Variants in RBFOX1 observed in about 807,000 individuals in gnomAD.
RBFOX1 encodes the protein RNA binding fox-1 homolog 1, also known as RNA binding protein fox-1 homolog 1.
In RBFOX1, 8 loss-of-function variants were observed where a neutral mutation model predicts 57.7. The observed-to-expected ratio is 0.14, with a 90% CI of 0.08 to 0.25. RBFOX1 has a LOEUF of 0.25. Among genes scored for constraint, RBFOX1 ranks in the 10% least tolerant of loss-of-function variants. The pLI is 1.00. For missense variants in RBFOX1, 611 were observed against 548.5 expected, an observed-to-expected ratio of 1.11 and a Z score of -1.14; for synonymous variants, 326 against 222.4, an observed-to-expected ratio of 1.47 and a Z score of -4.15.
Position 7,696,637 on chromosome 16 carries a change from C to G in RBFOX1, c.996-12419C>G, listed in dbSNP as rs535071273. On this transcript the variant is annotated intron_variant, in intron 14 of 15. Coordinates refer to ENST00000550418, the MANE Select transcript of RBFOX1 (RefSeq NM_018723.4). ...AGCATTAAATGAGTCAGGAGAAGGT[C>G]TCATCAAAAGACCTTCATGGTATGG... Among the ~76,000 whole-genome samples the G allele has an allele frequency of 5.9e-5, 9 of 152,232 alleles. 1 individual carries two copies. In the South Asian group the frequency reaches 1.9e-3, roughly 32 times the overall value.
intron 3 of RBFOX1, among the ~76,000 whole-genome samples, chr16:6,811,804 G>A (rs568317495): frequency 4.6e-5 from 7 of 152,148 alleles, no homozygotes; most frequent in Non-Finnish European, 8.8e-5. Context: ...CAGGAGAATC[G>A]CTTGAACCTG....
intron 9 of RBFOX1, among the ~76,000 whole-genome samples, chr16:7,597,910 G>A (rs1455451946): frequency 6.6e-6 from 1 of 152,176 alleles, no homozygotes; most frequent in Admixed American, 6.5e-5. Flanking sequence ...CACAGGGTTA[G>A]CAGAATGTGT....
chr16:6,488,187 A>G (rs1276800732), intron 2 of RBFOX1, among the ~76,000 whole-genome samples: 1 of 152,176 alleles, frequency 6.6e-6, no homozygotes, highest in Non-Finnish European at 1.5e-5. Context: ...CTTCATGGTA[A>G]TTCTGCATCT....
At chr16:6,715,587 C>T (rs1207514246) in intron 3 of RBFOX1, among the ~76,000 whole-genome samples, 5 of 152,126 alleles carry the variant, frequency 3.3e-5, no homozygotes, top group Non-Finnish European at 7.3e-5. Flanking sequence ...GCTAAGAATC[C>T]AGATTGGCTG....
At chr16:5,240,148 G>C (rs1435171608) in intron 1 of RBFOX1, 1 of 1,304,620 alleles carries the variant, frequency 7.7e-7, no homozygotes, top group African/African-American at 1.5e-5. Flanking sequence ...CCGGGGGCGC[G>C]GGGGTGCCGG....
intron 1 of RBFOX1, among the ~76,000 whole-genome samples, chr16:5,328,810 G>A (rs187235292): frequency 6.6e-6 from 1 of 152,276 alleles, no homozygotes; most frequent in East Asian, 1.9e-4. Context: ...AATCAGCCAC[G>A]AGAATGTGAA....
chr16:5,768,903 C>G (rs532656092), intron 3 of RBFOX1, among the ~76,000 whole-genome samples: 6 of 151,898 alleles, frequency 4.0e-5, no homozygotes, highest in Admixed American at 1.3e-4. Context: ...CCCCCTGTAA[C>G]CCATTGTATT....
At chr16:6,162,103 C>T (rs888241022) in intron 1 of RBFOX1, among the ~76,000 whole-genome samples, 1 of 152,116 alleles carries the variant, frequency 6.6e-6, no homozygotes, top group African/African-American at 2.4e-5. Context: ...TTCCAAAGAA[C>T]AGGATTTCTG....
rs1347143900 is a variant in RBFOX1, at chr16:6,873,292, T to C, written c.-15-178765T>C. Among the ~76,000 whole-genome samples, 3 of 152,194 alleles carry C rather than the reference T, an allele frequency of 2.0e-5. No individual in the cohort carries two copies. The East Asian group carries it at 5.8e-4, about 29-fold the overall frequency. On this transcript the variant is annotated intron_variant, in intron 3 of 15. Transcript: ENST00000550418. ...TTATCTTGGTCCCAAAGCATAACTC[T>C]TTTAACACCTTGAGCTTCCTTATGT...
chr16:5,387,658 G>T (rs1226018030), intron 1 of RBFOX1, among the ~76,000 whole-genome samples: 1 of 152,188 alleles, frequency 6.6e-6, no homozygotes, highest in African/African-American at 2.4e-5. Context: ...GAGAGGGAGG[G>T]GAGTGGATGT....
chr16:5,295,870 T>A lies in RBFOX1; in HGVS notation c.219+55765T>A, dbSNP rs1881326. Among the ~76,000 whole-genome samples the A allele has an allele frequency of 1.6e-4, 25 of 152,332 alleles. No homozygotes were observed. The East Asian group carries it at 4.6e-3, about 28-fold the overall frequency. On this transcript the variant is annotated intron_variant, in intron 1 of 2. Transcript: ENST00000585867. ...TCTGGTTGCCATAGTTTTCTCTACA[T>A]AGAATGGGGATAATTATGCTTCTTA...
At chr16:6,805,297 C>T (rs553833034) in intron 3 of RBFOX1, among the ~76,000 whole-genome samples, 45 of 152,236 alleles carry the variant, frequency 3.0e-4, no homozygotes, top group Middle Eastern at 3.4e-3. Flanking sequence ...AACAAAAAAA[C>T]AAATATTGCA....
chr16:7,505,274 T>C (rs1028802043), intron 4 of RBFOX1, among the ~76,000 whole-genome samples: 45 of 148,048 alleles, frequency 3.0e-4, no homozygotes, highest in South Asian at 1.7e-3. Flanking sequence ...CCAGACAAGG[T>C]TCCTATACTC....
intron 3 of RBFOX1, among the ~76,000 whole-genome samples, chr16:6,772,615 ATG>A (rs1183003958): frequency 8.6e-6 from 1 of 116,598 alleles, no homozygotes; most frequent in Non-Finnish European, 1.8e-5. Flanking sequence ...TTGTGAGTGT[ATG>A]TGTATGTGTG....
In RBFOX1 at chr16:6,068,624, C is replaced by T. The variant is rs1459763505; in HGVS notation, c.-127+48632C>T. Among the ~76,000 whole-genome samples the T allele has an allele frequency of 2.6e-5, 4 of 152,106 alleles. No homozygotes were observed. In the East Asian group the frequency reaches 5.8e-4, roughly 22 times the overall value. ...AGGAGACAAGATAAGGATAATCATC[C>T]CAGCACCTGGACCCATTTAGATTAA... On this transcript the variant is annotated intron_variant, in intron 1 of 15. Coordinates refer to ENST00000550418, the MANE Select transcript of RBFOX1 (RefSeq NM_018723.4).
At chr16:6,471,884 G>A (rs1465996894) in intron 2 of RBFOX1, among the ~76,000 whole-genome samples, 1 of 152,112 alleles carries the variant, frequency 6.6e-6, no homozygotes, top group Non-Finnish European at 1.5e-5. Context: ...AAGCACATAG[G>A]GAAAGGGAAG....
intron 3 of RBFOX1, among the ~76,000 whole-genome samples, chr16:7,013,292 G>C (rs2093738862): frequency 6.6e-6 from 1 of 152,148 alleles, no homozygotes; most frequent in South Asian, 2.1e-4. Context: ...AATGAAGTAA[G>C]GTATGCTAGG....
chr16:7,324,184 A>C (rs1238180391), intron 4 of RBFOX1, among the ~76,000 whole-genome samples: 4 of 152,174 alleles, frequency 2.6e-5, no homozygotes, highest in African/African-American at 9.7e-5. Flanking sequence ...TGAGCCTTCT[A>C]TCCATGCAAA....
chr16:6,547,875 A>C (rs2096917839), intron 2 of RBFOX1, among the ~76,000 whole-genome samples: 1 of 152,140 alleles, frequency 6.6e-6, no homozygotes. Flanking sequence ...TATTTAATTC[A>C]CAGTGTTTCT....
Sources: gnomAD v4.1 joint callset for allele counts (sites outside exome capture counted in the v4.1 genomes callset) on GRCh38, gnomAD v4.1.1 for gene constraint, MANE v1.5 for transcripts, NCBI Gene and HGNC (gene_info 2026-07-23, HGNC 2026-07-21) for gene names.